The following LRRC4B variants were observed in gnomAD, a reference collection of about 807,000 sequenced individuals.
LRRC4B encodes the protein leucine-rich repeat-containing protein 4B.
LRRC4B carries 1 observed loss-of-function variant against 7.3 expected under a neutral mutation model. The observed-to-expected ratio is 0.14, with a 90% CI of 0.05 to 0.65. LRRC4B has a LOEUF of 0.65. Ranked by LOEUF, LRRC4B falls within the 30% of genes least tolerant of loss-of-function variation. The pLI is 0.84. For missense variants in LRRC4B, 730 were observed against 1,041.6 expected (o/e 0.70, Z 4.12); for synonymous variants, 500 against 499.2 (o/e 1.00, Z -0.02).
At chr19:50,525,048 C>T (rs1016621831) in intron 2 of LRRC4B, among the ~76,000 whole-genome samples, 6 of 152,226 alleles carry the variant, frequency 3.9e-5, no homozygotes, top group Non-Finnish European at 7.3e-5. Flanking sequence ...CTCCCCGTCT[C>T]GCTCGGCCAC....
intron 1 of LRRC4B, chr19:50,558,061 G>C (rs1236709132): frequency 6.6e-6 from 1 of 152,140 alleles, no homozygotes; most frequent in Non-Finnish European, 1.5e-5. Flanking sequence ...GACTGTTTAT[G>C]TTATTGGTAG....
At position 50,517,208 on chromosome 19, in the gene LRRC4B, A is replaced by C; in HGVS notation, c.*363T>G. On this transcript the variant is annotated 3_prime_UTR_variant, in exon 3 of 3. Transcript: ENST00000652263. This position sits in a 1 kb window ranked among gnomAD's most constrained non-coding sequence, Gnocchi z 6.6. ...AGGAAGGTGTTTGGGGCCGAGGGGA[A>C]AGGACACCCCTGGAGAAAGCTCCTC... The C allele has an allele frequency of 5.4e-6, 1 of 185,768 alleles. No homozygotes were observed. The highest frequency in any genetic ancestry group is 1.1e-5 in the Non-Finnish European group (1 of 90,340). 11.5% of individuals were successfully genotyped at this position (185,768 alleles called of 1,614,324 possible). A position where few individuals can be genotyped will look rare whatever the true frequency, so the allele number is the denominator to read the frequency against.
chr19:50,518,571 G>A lies in LRRC4B; in HGVS notation c.1142C>T (p.Ala381Val). The A allele has an allele frequency of 6.3e-7, 1 of 1,591,798 alleles. No individual in the cohort carries two copies. Among genetic ancestry groups the A allele is most frequent in the Non-Finnish European group, 8.6e-7 (1 of 1,166,598 alleles). Residue 381 changes from alanine (A) to valine (V), a missense_variant, in exon 3 of 3, where the codon GCC (alanine) becomes GTC (valine). Ala to Val is a moderately conservative substitution (Grantham distance 64). Coordinates refer to ENST00000652263, the MANE Select transcript of LRRC4B (RefSeq NM_001080457.2). Reference protein sequence around the residue: ...TDLNVTEGMAAELKCRTGTSM... With the variant: ...TDLNVTEGMAVELKCRTGTSM... Reference sequence around the variant, plus strand: ...GGTGCCCGTGCGGCATTTGAGCTCGGCAGCCATGCCCTCGGTGACGTTGAG... The same window carrying A: ...GGTGCCCGTGCGGCATTTGAGCTCGACAGCCATGCCCTCGGTGACGTTGAG...
chr19:50,548,754 G>C lies in LRRC4B; in HGVS notation c.85C>G (p.Leu29Val). The change falls in exon 2 of 3, where the codon CTC becomes GTC. Residue 29 changes from leucine (L) to valine (V), a missense_variant. By Grantham distance (32) the Leu-to-Val change is conservative (BLOSUM62 1). Around this residue, in one of 6 missense-constraint regions of LRRC4B, gnomAD observed 143 missense variants for 158.4 expected, o/e 0.90. Coordinates refer to ENST00000652263, the MANE Select transcript of LRRC4B (RefSeq NM_001080457.2). The surrounding 1 kb of genome is among the most constrained non-coding windows in gnomAD (Gnocchi z 6.8). ...CCGGCCCCCAGGGGTGGGGAGAAGA[G>C]CCAGAGGAAGAGCAATGCCCCGTGG... Reference protein sequence around the residue: ...WPHGALLFLWLFSPPLGAGGG... With the variant: ...WPHGALLFLWVFSPPLGAGGG... 6.5e-7 allele frequency: 1 copy of C among 1,539,732 alleles called. No homozygotes were observed. The highest frequency in any genetic ancestry group is 8.7e-7 in the Non-Finnish European group (1 of 1,147,344).
chr19:50,530,823 G>A (rs1407132686), intron 2 of LRRC4B, among the ~76,000 whole-genome samples: 5 of 151,142 alleles, frequency 3.3e-5, no homozygotes, highest in African/African-American at 9.7e-5. Context: ...TGCAACCTCC[G>A]TCTCCCAGGT....
intron 2 of LRRC4B, among the ~76,000 whole-genome samples, chr19:50,538,519 A>G (rs186504516): frequency 1.1e-4 from 15 of 136,630 alleles, no homozygotes; most frequent in Non-Finnish European, 1.7e-4. Context: ...ATAATGCACT[A>G]TGGCCGGGGT....
intron 1 of LRRC4B, among the ~76,000 whole-genome samples, chr19:50,567,439 C>A (rs1277720918): frequency 6.6e-6 from 1 of 151,864 alleles, no homozygotes; most frequent in African/African-American, 2.4e-5. Flanking sequence ...CCACGGCAAC[C>A]GCTCTTGCCA....
chr19:50,547,971 G>T (rs1981884609), intron 2 of LRRC4B, among the ~76,000 whole-genome samples: 3 of 151,990 alleles, frequency 2.0e-5, no homozygotes, highest in Admixed American at 1.3e-4. Flanking sequence ...CGCAAACCCT[G>T]CACTGCCCGG....
intron 2 of LRRC4B, among the ~76,000 whole-genome samples, chr19:50,522,850 C>T (rs904598746): frequency 3.9e-5 from 6 of 152,222 alleles, no homozygotes; most frequent in African/African-American, 1.4e-4. Context: ...TCCCATGTTT[C>T]AAGACCACTA....
At chr19:50,539,684 C>T (rs1003045480) in intron 2 of LRRC4B, among the ~76,000 whole-genome samples, 10 of 151,836 alleles carry the variant, frequency 6.6e-5, no homozygotes, top group African/African-American at 1.9e-4. Flanking sequence ...GTCAGGAGTT[C>T]GAGACCAGCC....
chr19:50,533,469 A>C (rs143232398), intron 2 of LRRC4B, among the ~76,000 whole-genome samples: 1 of 145,124 alleles, frequency 6.9e-6, no homozygotes, highest in African/African-American at 2.9e-5. Context: ...AAATAATACA[A>C]ATACCAAAGA....
Position 50,517,820 on chromosome 19 carries a change from G to A in LRRC4B, c.1893C>T (p.Ser631=), listed in dbSNP as rs551169519. The A allele has an allele frequency of 5.8e-5, 90 of 1,564,052 alleles. No homozygotes were observed. The highest frequency in any genetic ancestry group is 9.5e-5 in the South Asian group (8 of 84,576). Reference sequence around the variant, plus strand: ...TGGCCACGGCGGCCGCGGCGGCCACGGACACGGCCGAGGCGGCGGGCAGCT... The same window carrying A: ...TGGCCACGGCGGCCGCGGCGGCCACAGACACGGCCGAGGCGGCGGGCAGCT... ...EDELPAASAV[S]VAAAAAVASG... The change falls in exon 3 of 3, where the codon TCC becomes TCT. Residue 631 remains serine, a synonymous_variant. Coordinates refer to ENST00000652263, the MANE Select transcript of LRRC4B (RefSeq NM_001080457.2). The surrounding 1 kb of genome is among the most constrained non-coding windows in gnomAD (Gnocchi z 6.6).
intron 2 of LRRC4B, among the ~76,000 whole-genome samples, chr19:50,542,639 GCTAAT>G (rs1029867625): frequency 6.6e-6 from 1 of 151,946 alleles, no homozygotes; most frequent in African/African-American, 2.4e-5. Flanking sequence ...ACTATGCCTG[GCTAAT>G]TTTGGTATTT....
In LRRC4B at chr19:50,565,526, C is replaced by CGTGTGTGTGTGT. The variant is rs67157266; in HGVS notation, c.-36+2406_-36+2417dup. Among the ~76,000 whole-genome samples the CGTGTGTGTGTGT allele has an allele frequency of 1.9e-3, 286 of 147,324 alleles. 1 individual carries two copies. Among genetic ancestry groups the CGTGTGTGTGTGT allele is most frequent in the African/African-American group, 6.7e-3 (267 of 39,576 alleles). ...CTGCCAGTGAATGACTGTGTGCTCTCGTGTGTGTGTGTGTGTGTGTGTGTG... is the reference window on the plus strand; with the variant it reads ...CTGCCAGTGAATGACTGTGTGCTCTCGTGTGTGTGTGTGTGTGTGTGTGTGTGTGTGTGTGTG... On this transcript the variant is annotated intron_variant, in intron 1 of 2. Coordinates refer to ENST00000652263, the MANE Select transcript of LRRC4B (RefSeq NM_001080457.2).
At chr19:50,561,667 C>G (rs1376469803) in intron 1 of LRRC4B, among the ~76,000 whole-genome samples, 3 of 151,838 alleles carry the variant, frequency 2.0e-5, no homozygotes, top group African/African-American at 7.3e-5. Context: ...CCCAGGAGGT[C>G]AAGGCTGCAG....
intron 1 of LRRC4B, among the ~76,000 whole-genome samples, chr19:50,560,303 C>A (rs1347941519): frequency 6.6e-6 from 1 of 152,116 alleles, no homozygotes; most frequent in Non-Finnish European, 1.5e-5. Flanking sequence ...ATGAAGCCCC[C>A]TCCTCTCCTC....
chr19:50,551,560 C>G (rs1016883631), intron 1 of LRRC4B, among the ~76,000 whole-genome samples: 13 of 140,924 alleles, frequency 9.2e-5, no homozygotes, highest in African/African-American at 3.2e-4. Flanking sequence ...CGGTCCTCCC[C>G]CTCCGCCTCT....
intron 2 of LRRC4B, among the ~76,000 whole-genome samples, chr19:50,532,577 G>A (rs1981105409): frequency 6.6e-6 from 1 of 152,120 alleles, no homozygotes; most frequent in African/African-American, 2.4e-5. Context: ...CTTGTTCTCT[G>A]GAAAATTCCA....
intron 1 of LRRC4B, among the ~76,000 whole-genome samples, chr19:50,551,698 C>T (rs967782683): frequency 1.3e-5 from 2 of 150,668 alleles, no homozygotes; most frequent in African/African-American, 2.4e-5. Context: ...TGCTCTATCC[C>T]TGTCACCCTC....
Sources: gnomAD v4.1 joint callset for allele counts (sites outside exome capture counted in the v4.1 genomes callset) on GRCh38, gnomAD v4.1.1 for gene constraint, gnomAD v4.1.1 regional missense constraint, Gnocchi (gnomAD v3.1) non-coding constraint, MANE v1.5 for transcripts, NCBI Gene and HGNC (gene_info 2026-07-23, HGNC 2026-07-21) for gene names.